Variants in BRD8 observed in about 807,000 individuals in gnomAD.
The protein encoded by BRD8 is bromodomain containing 8.
Under a neutral mutation model 143.1 loss-of-function variants are expected in BRD8, and 67 were observed. That is an observed-to-expected ratio of 0.47 (90% CI 0.38 to 0.57). BRD8 has a LOEUF of 0.57. Ranked by LOEUF, BRD8 falls within the 20% of genes least tolerant of loss-of-function variation. The pLI is 0.00. For synonymous variants in BRD8, 505 were observed against 517.1 expected (o/e 0.98, Z 0.32); for missense variants, 1,103 against 1,503.0 (o/e 0.73, Z 4.40).
intron 11 of BRD8, 63 bp downstream of exon 11, chr5:138,165,765 A>T: frequency 2.4e-5 from 30 of 1,244,436 alleles, no homozygotes; most frequent in Non-Finnish European, 3.1e-5. Flanking sequence ...CACCAAAGTG[A>T]GGCTGAAAAG....
intron 20 of BRD8, among the ~76,000 whole-genome samples, chr5:138,153,174 C>T (rs1255350715): frequency 6.6e-6 from 1 of 152,196 alleles, no homozygotes; most frequent in Non-Finnish European, 1.5e-5. Flanking sequence ...ATATTTTCCT[C>T]AGTGTATAAA....
intron 14 of BRD8, 130 bp from the exon 15 acceptor site, chr5:138,163,474 T>C (rs1004194543): frequency 5.2e-6 from 7 of 1,354,782 alleles, no homozygotes; most frequent in Non-Finnish European, 7.1e-6. Context: ...GACTCAGCTG[T>C]CTATCACTTA....
At chr5:138,166,907 A>T in intron 9 of BRD8, 180 bp from the exon 10 acceptor site, 1 of 552,004 alleles carries the variant, frequency 1.8e-6, no homozygotes, top group South Asian at 2.0e-5. Flanking sequence ...TCTTCCTCCA[A>T]GTTAGGAATG....
In BRD8 at chr5:138,145,236, A is replaced by C. The variant is rs1362899948; in HGVS notation, c.3378T>G (p.Ser1126Arg). ...TTTCTGACACAGGCTTCAGAAATGG[A>C]CTGCTGAACCTGTTAAGGGACAAAC... ...WKMIASHRFS[S>R]PFLKPVSERQ... The change falls in exon 25 of 27, where the codon AGT (serine) becomes AGG (arginine). Residue 1126 changes from serine to arginine, a missense_variant. Physicochemically the swap from Ser to Arg is moderately radical, Grantham distance 110. Transcript: ENST00000254900. 5.6e-6 allele frequency: 9 copies of C among 1,613,800 alleles called. No individual in the cohort carries two copies. Among genetic ancestry groups the C allele is most frequent in the Non-Finnish European group, 7.6e-6 (9 of 1,179,950 alleles).
At chr5:138,143,157 C>T (rs754499205) in intron 25 of BRD8, among the ~76,000 whole-genome samples, 2 of 151,504 alleles carry the variant, frequency 1.3e-5, no homozygotes, top group African/African-American at 4.9e-5. Context: ...TGGTGGCACA[C>T]ACCTCTAGAC....
intron 9 of BRD8, 39 bp from the exon 10 acceptor site, chr5:138,166,766 A>G: frequency 7.9e-7 from 1 of 1,267,080 alleles, no homozygotes; most frequent in South Asian, 1.2e-5. Context: ...AGTAAGAAGA[A>G]AGCACATAAA....
intron 22 of BRD8, 92 bp downstream of exon 22, chr5:138,150,653 C>A: frequency 7.1e-7 from 1 of 1,400,578 alleles, no homozygotes; most frequent in Non-Finnish European, 9.6e-7. Context: ...GGTAGTTTAA[C>A]TTTCTGGAGT....
chr5:138,146,151 G>A lies in BRD8; in HGVS notation c.3279-273C>T, dbSNP rs552326523. On this transcript the variant is annotated intron_variant, in intron 23 of 26. Transcript: ENST00000254900. ...CAGCTCACTGCAACCTCTGCCTCCC[G>A]GGTTCCAGCGATTCTCCTGCCTCAG... Among the ~76,000 whole-genome samples, 148 of 151,542 alleles carry A rather than the reference G, an allele frequency of 9.8e-4. 1 individual carries two copies. Among genetic ancestry groups the A allele is most frequent in the Non-Finnish European group, 1.6e-3 (111 of 67,920 alleles).
Position 138,152,618 on chromosome 5 carries a change from G to C in BRD8, c.2720C>G (p.Pro907Arg), listed in dbSNP as rs776299411. Residue 907 changes from proline to arginine, a missense_variant, in exon 21 of 27, where the codon CCA becomes CGA. Physicochemically the swap from Pro to Arg is moderately radical, Grantham distance 103. This residue lies in a region of BRD8 where 369 missense variants were observed against 445.5 expected (regional missense o/e 0.83). Coordinates refer to ENST00000254900, the MANE Select transcript of BRD8 (RefSeq NM_139199.2). Reference sequence around the variant, plus strand: ...GCTTTCCTCTAGTTCCTCAGCCTCTGGATCCTCAGTTTCCCTCCAGTTGCC... The same window carrying C: ...GCTTTCCTCTAGTTCCTCAGCCTCTCGATCCTCAGTTTCCCTCCAGTTGCC... The part of the protein sequence containing the change: ...DVGNWRETED[P>R]EAEELEESSP... 1 of 1,614,146 alleles carries C rather than the reference G, an allele frequency of 6.2e-7. No individual in the cohort carries two copies. Among genetic ancestry groups the C allele is most frequent in the Non-Finnish European group, 8.5e-7 (1 of 1,180,032 alleles).
In BRD8 at chr5:138,172,295, C is replaced by T. The variant is rs571494695; in HGVS notation, c.117-161G>A. ...ATCCCAGCACTTTGGGAGGCCAAGACGGGTGGATCACAAGGTCAGGAGATC... is the reference window on the plus strand; with the variant it reads ...ATCCCAGCACTTTGGGAGGCCAAGATGGGTGGATCACAAGGTCAGGAGATC... On this transcript the variant is annotated intron_variant, in intron 2 of 26. Coordinates refer to ENST00000254900, the MANE Select transcript of BRD8 (RefSeq NM_139199.2). 4.6e-5 allele frequency among the ~76,000 whole-genome samples: 7 copies of T among 150,786 alleles called. No homozygotes were observed. The South Asian group carries it at 1.1e-3, about 23-fold the overall frequency.
At chr5:138,167,899 C>A in intron 9 of BRD8, 35 bp downstream of exon 9, 1 of 1,597,520 alleles carries the variant, frequency 6.3e-7, no homozygotes, top group Non-Finnish European at 8.6e-7. Flanking sequence ...AAGTTCAACA[C>A]CTTTGAGGTT....
At chr5:138,175,910 T>C (rs1283484236) in intron 2 of BRD8, among the ~76,000 whole-genome samples, 1 of 56,602 alleles carries the variant, frequency 1.8e-5, no homozygotes. Flanking sequence ...AGACCCTGTC[T>C]GCAAAAAAAA....
rs1752646103 is a variant in BRD8 at position 138,157,015 on chromosome 5, A to G, written c.2577+2540T>C. ...TAGCTACACATTAGGACATTAACAT[A>G]GCCCATGGTTTCTGCCCTAAAACAG... On this transcript the variant is annotated intron_variant, in intron 20 of 26. Transcript: ENST00000254900. The G allele has an allele frequency of 4.8e-5, 69 of 1,433,344 alleles. No homozygotes were observed. The South Asian group carries it at 1.0e-3, about 21-fold the overall frequency. 88.8% of individuals were successfully genotyped at this position (1,433,344 alleles called of 1,614,324 possible). A position where few individuals can be genotyped will look rare whatever the true frequency, so the allele number is the denominator to read the frequency against.
Position 138,172,586 on chromosome 5 carries a change from T to C in BRD8, c.117-452A>G, listed in dbSNP as rs150065621. On this transcript the variant is annotated intron_variant, in intron 2 of 26. Transcript: ENST00000254900. The stretch of plus-strand genomic sequence containing the variant: ...GGTGTGCAATGGACCGTGCCTGTAA[T>C]CCCAGCACTCTGGGAGGCAGAGGTG... 1.3e-4 allele frequency: 35 copies of C among 272,392 alleles called. 1 individual carries two copies. Among genetic ancestry groups the C allele is most frequent in the Non-Finnish European group, 2.1e-4 (33 of 155,930 alleles). 16.9% of individuals were successfully genotyped at this position (272,392 alleles called of 1,614,324 possible). A position where few individuals can be genotyped will look rare whatever the true frequency, so the allele number is the denominator to read the frequency against.
At chr5:138,159,815 G>A (rs907520359) in intron 19 of BRD8, among the ~76,000 whole-genome samples, 2 of 152,144 alleles carry the variant, frequency 1.3e-5, no homozygotes, top group Non-Finnish European at 2.9e-5. Flanking sequence ...CATTTCCCCC[G>A]CCTTGAGAGC....
chr5:138,158,432 C>CTT (rs961131597), intron 20 of BRD8, among the ~76,000 whole-genome samples: 3 of 149,330 alleles, frequency 2.0e-5, no homozygotes, highest in Non-Finnish European at 4.5e-5. Flanking sequence ...GCAGTGGTCA[C>CTT]TTTTTTTTTT....
At chr5:138,174,473 G>A (rs552979801) in intron 2 of BRD8, among the ~76,000 whole-genome samples, 1 of 152,010 alleles carries the variant, frequency 6.6e-6, no homozygotes, top group African/African-American at 2.4e-5. Flanking sequence ...GCAAAGGCCT[G>A]TAGTCCCAGC....
intron 26 of BRD8, among the ~76,000 whole-genome samples, chr5:138,140,444 C>G (rs1032559990): frequency 2.0e-5 from 3 of 152,152 alleles, no homozygotes; most frequent in Non-Finnish European, 4.4e-5. Flanking sequence ...GCTCTGGAAG[C>G]GGGAATTCCC....
chr5:138,168,313 A>G lies in BRD8; in HGVS notation c.643-235T>C, dbSNP rs562426415. ...TTCAGATACCTCAGGACCCATGGGT[A>G]CTATCAACTTACTGTATTTTTAAAA... On this transcript the variant is annotated intron_variant, in intron 8 of 26. Transcript: ENST00000254900. Among the ~76,000 whole-genome samples the G allele has an allele frequency of 1.1e-3, 168 of 152,366 alleles. 1 individual carries two copies. The highest frequency in any genetic ancestry group is 2.0e-3 in the Non-Finnish European group (137 of 68,040).
Sources: allele counts gnomAD v4.1 joint callset (sites outside exome capture counted in the v4.1 genomes callset), GRCh38; gene constraint gnomAD v4.1.1; regional missense constraint gnomAD v4.1.1; transcripts MANE v1.5; gene names NCBI Gene and HGNC (gene_info 2026-07-23, HGNC 2026-07-21).